The following TFDP1 variants were observed in gnomAD, a reference collection of about 807,000 sequenced individuals.
The protein encoded by TFDP1 is transcription factor Dp-1, also known as DRTF1-polypeptide 1.
In TFDP1, 6 loss-of-function variants were observed where a neutral mutation model predicts 48.0. The ratio of observed to expected loss-of-function variants is 0.13; its 90% confidence interval spans 0.07 to 0.25. TFDP1 has a LOEUF of 0.25. Among genes scored for constraint, TFDP1 ranks in the 10% least tolerant of loss-of-function variants. The pLI is 1.00. For missense variants in TFDP1, 335 were observed against 543.0 expected (o/e 0.62, Z 3.81); for synonymous variants, 201 against 211.6 (o/e 0.95, Z 0.44).
chr13:113,607,131 C>T lies in TFDP1; in HGVS notation c.13-3865C>T, dbSNP rs926247990. 6.6e-6 allele frequency among the ~76,000 whole-genome samples: 1 copy of T among 152,236 alleles called. No individual in the cohort carries two copies. The highest frequency in any genetic ancestry group is 2.4e-5 in the African/African-American group (1 of 41,462). On this transcript the variant is annotated intron_variant, in intron 2 of 11. Transcript: ENST00000375370. This position sits in a 1 kb window ranked among gnomAD's most constrained non-coding sequence, Gnocchi z 5.2. ...CAGGGTGAATGAAGGCTGAAGATGC[C>T]GCCAAACACCCTGCAGGGAGGCTGG...
intron 3 of TFDP1, among the ~76,000 whole-genome samples, chr13:113,618,786 A>G (rs976365031): frequency 1.3e-4 from 20 of 152,254 alleles, no homozygotes; most frequent in Middle Eastern, 3.2e-3. Flanking sequence ...ACTTTATTAT[A>G]ATGGCATAGC....
chr13:113,599,105 A>G (rs1239231739), intron 2 of TFDP1, among the ~76,000 whole-genome samples: 1 of 151,674 alleles, frequency 6.6e-6, no homozygotes, highest in Non-Finnish European at 1.5e-5. Context: ...ACAGTACGGA[A>G]TTCTAAATAA....
chr13:113,613,763 GGT>G (rs1188004796), intron 3 of TFDP1, among the ~76,000 whole-genome samples: 4 of 151,434 alleles, frequency 2.6e-5, no homozygotes, highest in Non-Finnish European at 4.4e-5. Flanking sequence ...TGAATGCGTG[GGT>G]GTGTGAGGAG....
Position 113,633,956 on chromosome 13 carries a change from A to G in TFDP1, c.541A>G (p.Ile181Val). 2 of 1,614,202 alleles carry G rather than the reference A, an allele frequency of 1.2e-6. No individual in the cohort carries two copies. The highest frequency in any genetic ancestry group is 1.1e-5 in the South Asian group (1 of 91,078). ...CTTAAACGTGCTAATGGCCATGAAC[A>G]TCATCTCCAAGGAGAAGAAGGAGAT... ...DALNVLMAMNIISKEKKEIKW... is the reference protein window; with the variant it reads ...DALNVLMAMNVISKEKKEIKW... Residue 181 changes from isoleucine to valine, a missense_variant, in exon 7 of 12, where the codon ATC (isoleucine) becomes GTC (valine). Physicochemically the swap from Ile to Val is conservative, Grantham distance 29. Around this residue, in one of 3 missense-constraint regions of TFDP1, gnomAD observed 28 missense variants for 115.5 expected, o/e 0.24. Coordinates refer to ENST00000375370, the MANE Select transcript of TFDP1 (RefSeq NM_007111.5). This position sits in a 1 kb window ranked among gnomAD's most constrained non-coding sequence, Gnocchi z 4.5.
intron 1 of TFDP1, 27 bp from the exon 2 acceptor site, chr13:113,585,747 C>G: frequency 8.2e-7 from 1 of 1,216,154 alleles, no homozygotes; most frequent in Non-Finnish European, 1.2e-6. Context: ...TCTTGTTTTT[C>G]CTTACTTTTT....
At chr13:113,609,661 G>C (rs2048658375) in intron 2 of TFDP1, among the ~76,000 whole-genome samples, 1 of 151,786 alleles carries the variant, frequency 6.6e-6, no homozygotes. Context: ...GCGTCTCCTT[G>C]TTCCCATGGT....
At chr13:113,593,057 C>T (rs2048185040) in intron 2 of TFDP1, among the ~76,000 whole-genome samples, 1 of 148,914 alleles carries the variant, frequency 6.7e-6, no homozygotes, top group Non-Finnish European at 1.5e-5. Flanking sequence ...TCAGCCCTGC[C>T]CAGGTGACAG....
rs773016455 is a variant in TFDP1, at chr13:113,633,855, G to A, written c.475-35G>A. 1 of 1,577,814 alleles carries A rather than the reference G, an allele frequency of 6.3e-7. No homozygotes were observed. The highest frequency in any genetic ancestry group is 8.6e-7 in the Non-Finnish European group (1 of 1,162,350). On this transcript the variant is annotated intron_variant, in intron 6 of 11. Coordinates refer to ENST00000375370, the MANE Select transcript of TFDP1 (RefSeq NM_007111.5). This position sits in a 1 kb window ranked among gnomAD's most constrained non-coding sequence, Gnocchi z 4.5. ...GTTTAAGGATCCACCGGCCTTTTTG[G>A]ATCATTTGGAAACTCCACTCCCTGT...
At chr13:113,634,173 C>T in intron 7 of TFDP1, 140 bp downstream of exon 7, 5 of 1,199,434 alleles carry the variant, frequency 4.2e-6, no homozygotes, top group Non-Finnish European at 4.8e-6. Flanking sequence ...GCAGACGTCT[C>T]CCTGCGTTTC....
intron 2 of TFDP1, among the ~76,000 whole-genome samples, chr13:113,600,601 G>A (rs771868460): frequency 6.7e-6 from 1 of 149,072 alleles, no homozygotes; most frequent in South Asian, 2.1e-4. Context: ...CCAGGACCGT[G>A]AGAGAGAATC....
intron 3 of TFDP1, among the ~76,000 whole-genome samples, chr13:113,622,217 C>T (rs1023837973): frequency 2.6e-5 from 4 of 152,222 alleles, no homozygotes; most frequent in African/African-American, 4.8e-5. Flanking sequence ...CCGGTCTCTG[C>T]GACTTGGTGG....
intron 2 of TFDP1, among the ~76,000 whole-genome samples, chr13:113,609,443 T>C (rs2048652826): frequency 6.6e-6 from 1 of 152,160 alleles, no homozygotes; most frequent in Admixed American, 6.5e-5. Flanking sequence ...ACTGTCTTTT[T>C]TTTTTAGCGT....
intron 8 of TFDP1, among the ~76,000 whole-genome samples, chr13:113,635,185 G>A (rs1478094731): frequency 6.6e-6 from 1 of 152,160 alleles, no homozygotes; most frequent in African/African-American, 2.4e-5. Flanking sequence ...GCACCACTGG[G>A]GGCCCCGTGT....
intron 8 of TFDP1, among the ~76,000 whole-genome samples, chr13:113,634,820 T>A (rs2049434132): frequency 6.7e-6 from 1 of 149,374 alleles, no homozygotes; most frequent in Non-Finnish European, 1.5e-5. Flanking sequence ...TGTGCGTGCA[T>A]GCATGCATGT....
chr13:113,602,560 C>A (rs1432719700), intron 2 of TFDP1, among the ~76,000 whole-genome samples: 3 of 152,132 alleles, frequency 2.0e-5, no homozygotes, highest in African/African-American at 7.2e-5. Context: ...CTGGCGCAGG[C>A]CACTCCAGTC....
At chr13:113,637,785 A>C in intron 10 of TFDP1, 33 bp from the exon 11 acceptor site, 1 of 1,614,244 alleles carries the variant, frequency 6.2e-7, no homozygotes, top group Non-Finnish European at 8.5e-7. Flanking sequence ...TTTCTGTTTC[A>C]TGACCATTCG....
chr13:113,593,567 G>A (rs375818820), intron 2 of TFDP1, among the ~76,000 whole-genome samples: 8 of 95,316 alleles, frequency 8.4e-5, no homozygotes, highest in South Asian at 7.3e-4. Flanking sequence ...GTCCTCAGCC[G>A]TGCCCAGGTG....
intron 4 of TFDP1, among the ~76,000 whole-genome samples, chr13:113,629,159 G>A (rs1448591484): frequency 6.6e-6 from 1 of 152,220 alleles, no homozygotes; most frequent in Non-Finnish European, 1.5e-5. Context: ...GAGCTGCCAC[G>A]CAGGGCACGC....
intron 4 of TFDP1, among the ~76,000 whole-genome samples, chr13:113,625,046 C>T (rs190692868): frequency 5.9e-4 from 66 of 112,236 alleles, no homozygotes; most frequent in African/African-American, 9.0e-4. Flanking sequence ...TCAGGTGTCT[C>T]TCACGTGTCC....
Sources: gnomAD v4.1 joint callset for allele counts (sites outside exome capture counted in the v4.1 genomes callset) on GRCh38, gnomAD v4.1.1 for gene constraint, gnomAD v4.1.1 regional missense constraint, Gnocchi (gnomAD v3.1) non-coding constraint, MANE v1.5 for transcripts, NCBI Gene and HGNC (gene_info 2026-07-23, HGNC 2026-07-21) for gene names.